Variants in TMEM67 observed in about 807,000 individuals in gnomAD.
TMEM67 encodes the protein meckelin.
Under a neutral mutation model 136.6 loss-of-function variants are expected in TMEM67, and 124 were observed. That is an observed-to-expected ratio of 0.91 (90% CI 0.78 to 1.05). The LOEUF is 1.05. Ranked by LOEUF, TMEM67 falls within the 50% of genes least tolerant of loss-of-function variation. The pLI is 0.00. For missense variants in TMEM67, 1,107 were observed against 1,178.4 expected, an observed-to-expected ratio of 0.94 and a Z score of 0.89; for synonymous variants, 364 against 390.5, an observed-to-expected ratio of 0.93 and a Z score of 0.80.
rs555460590 is a variant in TMEM67, at chr8:93,787,929, G to A, written c.1498G>A (p.Ala500Thr). ...CTACAGTGACATTGATATCAAAGAT[G>A]CCAACAGCCAGTCTGTGAAGGTGAG... ...IAYSDIDIKD[A>T]NSQSVKVSFS... Residue 500 changes from alanine (A) to threonine (T), a missense_variant, in exon 14 of 28, where the codon GCC becomes ACC. Ala to Thr is a moderately conservative substitution (Grantham distance 58). This residue lies in a region of TMEM67 where 925 missense variants were observed against 1,002.4 expected (regional missense o/e 0.92). Coordinates refer to ENST00000453321, the MANE Select transcript of TMEM67 (RefSeq NM_153704.6). 2 of 1,613,514 alleles carry A rather than the reference G, an allele frequency of 1.2e-6. No homozygotes were observed. The highest frequency in any genetic ancestry group is 1.7e-5 in the Admixed American group (1 of 60,012).
At chr8:93,765,740 G>A in intron 6 of TMEM67, 94 bp downstream of exon 6, 1 of 831,928 alleles carries the variant, frequency 1.2e-6, no homozygotes, top group Non-Finnish European at 2.1e-6. Context: ...ACCCTTTTGT[G>A]TAAATCATTT....
At chr8:93,782,133 C>T (rs1813864176) in intron 10 of TMEM67, among the ~76,000 whole-genome samples, 1 of 152,154 alleles carries the variant, frequency 6.6e-6, no homozygotes, top group Non-Finnish European at 1.5e-5. Context: ...CCAGGATGGT[C>T]TTGATCTCCT....
At chr8:93,757,090 TATA>T (rs1812603948) in intron 2 of TMEM67, 1 of 146,468 alleles carries the variant, frequency 6.8e-6, no homozygotes, top group African/African-American at 2.5e-5. Flanking sequence ...ATAAATAAAA[TATA>T]AATAAATAAA....
downstream of TMEM67, chr8:93,819,002 A>C: frequency 2.3e-6 from 1 of 429,666 alleles, no homozygotes; most frequent in Non-Finnish European, 4.5e-6. Flanking sequence ...ACAAGGGTTC[A>C]CCATGTTGCC....
intron 16 of TMEM67, 68 bp from the exon 17 acceptor site, chr8:93,795,341 G>A (rs1814560288): frequency 8.4e-7 from 1 of 1,190,584 alleles, no homozygotes; most frequent in South Asian, 1.2e-5. Context: ...TATAAAAGTG[G>A]TAGTGTTACT....
chr8:93,806,419 G>C (rs1178340033), intron 23 of TMEM67, among the ~76,000 whole-genome samples: 1 of 152,094 alleles, frequency 6.6e-6, no homozygotes, highest in Non-Finnish European at 1.5e-5. Flanking sequence ...AAATGACATG[G>C]TCTGGGTTTT....
At chr8:93,823,413 T>G (rs73694993), downstream of TMEM67, among the ~76,000 whole-genome samples, 2,562 of 152,252 alleles carry the variant, frequency 0.017, 76 homozygotes, top group African/African-American at 0.056. Flanking sequence ...GATTTTTTTT[T>G]TTTGTGTGGG....
At chr8:93,825,136 A>T in the TMEM67 span, among the ~76,000 whole-genome samples, 3 of 152,250 alleles carry the variant, frequency 2.0e-5, no homozygotes, top group Non-Finnish European at 2.9e-5. Context: ...AGGTCAGTGT[A>T]CAAAGAATAC....
chr8:93,831,140 C>A, the TMEM67 span, among the ~76,000 whole-genome samples: 1 of 152,226 alleles, frequency 6.6e-6, no homozygotes, highest in African/African-American at 2.4e-5. Context: ...GCACTAAAAT[C>A]ATTTCCAGTT....
At chr8:93,759,992 TTG>T (rs1177509242) in intron 3 of TMEM67, 1 of 1,520,752 alleles carries the variant, frequency 6.6e-7, no homozygotes, top group South Asian at 1.3e-5. Flanking sequence ...TTGAAGAAAT[TTG>T]TGAGTATTAC....
chr8:93,781,858 T>A (rs1256772934), intron 10 of TMEM67, 114 bp downstream of exon 10: 1 of 549,484 alleles, frequency 1.8e-6, no homozygotes, highest in African/African-American at 2.0e-5. Flanking sequence ...TACAGTTGAT[T>A]TTTTTTCTGA....
At chr8:93,762,218 T>C (rs3134023) in intron 3 of TMEM67, among the ~76,000 whole-genome samples, 97,092 of 151,930 alleles carry the variant, frequency 0.64, 31,524 homozygotes, top group East Asian at 0.84. Flanking sequence ...CACGCCACTG[T>C]GCTCCAGCCT....
At chr8:93,803,994 C>T (rs1266354691) in intron 22 of TMEM67, among the ~76,000 whole-genome samples, 2 of 151,638 alleles carry the variant, frequency 1.3e-5, no homozygotes, top group Non-Finnish European at 2.9e-5. Context: ...CATACCTCAA[C>T]CTCCTGAGTA....
intron 15 of TMEM67, among the ~76,000 whole-genome samples, chr8:93,792,653 C>T (rs935835745): frequency 2.0e-5 from 3 of 151,878 alleles, no homozygotes; most frequent in Non-Finnish European, 2.9e-5. Flanking sequence ...ATTTTTAAAT[C>T]AGTGTGAACT....
Position 93,807,981 on chromosome 8 carries a change from CTA to C in TMEM67, c.2440-857_2440-856del, listed in dbSNP as rs1462812628. Among the ~76,000 whole-genome samples the C allele has an allele frequency of 2.2e-4, 34 of 151,700 alleles. 1 individual carries two copies. Among genetic ancestry groups the C allele is most frequent in the Non-Finnish European group, 2.9e-5 (2 of 67,824 alleles). On this transcript the variant is annotated intron_variant, in intron 23 of 27. Coordinates refer to ENST00000453321, the MANE Select transcript of TMEM67 (RefSeq NM_153704.6). ...ACATTAACTGTTTGGTCATGTATCACTATGTTTTATTGGAATTAATTAAGGAA... is the reference window on the plus strand; with the variant it reads ...ACATTAACTGTTTGGTCATGTATCACTGTTTTATTGGAATTAATTAAGGAA...
rs1206242518 is a variant in TMEM67, at chr8:93,817,801, A to G, written c.*1349A>G. On this transcript the variant is annotated 3_prime_UTR_variant, in exon 28 of 28. Transcript: ENST00000453321. ...CCCTGAATCTTGAGGATGACTGAAA[A>G]GGAAGTCTTTGAAACTGCAGTTTCT... 6.6e-6 allele frequency: 1 copy of G among 152,188 alleles called. No homozygotes were observed. The highest frequency in any genetic ancestry group is 2.4e-5 in the African/African-American group (1 of 41,446). The allele number at this position is 152,188 out of a possible 1,614,324, so 9.4% of individuals were successfully genotyped here.
Position 93,787,875 on chromosome 8 carries a change from A to G in TMEM67, c.1444A>G (p.Asn482Asp). The G allele has an allele frequency of 6.2e-7, 1 of 1,614,054 alleles. No homozygotes were observed. Among genetic ancestry groups the G allele is most frequent in the Non-Finnish European group, 8.5e-7 (1 of 1,179,942 alleles). The change falls in exon 14 of 28, where the codon AAC becomes GAC. Residue 482 changes from asparagine (N) to aspartate (D), a missense_variant. Coordinates refer to ENST00000453321, the MANE Select transcript of TMEM67 (RefSeq NM_153704.6). ...CCTTGTACCCAACACAATAAATGGA[A>G]ACATCTACCCTCCCTTAATCACCAT... The part of the protein sequence containing the change: ...VHLVPNTING[N>D]IYPPLITIAY...
Position 93,785,261 on chromosome 8 carries a change from A to T in TMEM67, c.1171A>T (p.Thr391Ser). ...CTCTAAGATCTTAATTGACTTTCCC[A>T]CTCCTATATTTTATGATGTGTACCT... ...PISKILIDFP[T>S]PIFYDVYLEY... Residue 391 changes from threonine to serine, a missense_variant, in exon 12 of 28, where the codon ACT (threonine) becomes TCT (serine). Thr to Ser is a moderately conservative substitution (Grantham distance 58). Transcript: ENST00000453321. 1.3e-6 allele frequency: 2 copies of T among 1,598,782 alleles called. No homozygotes were observed. Among genetic ancestry groups the T allele is most frequent in the Non-Finnish European group, 1.7e-6 (2 of 1,167,310 alleles).
At chr8:93,797,046 A>T in intron 18 of TMEM67, 88 bp from the exon 19 acceptor site, 1 of 787,566 alleles carries the variant, frequency 1.3e-6, no homozygotes, top group Non-Finnish European at 2.3e-6. Context: ...TTGTGATAAC[A>T]GTATGTTTCT....
Sources: gnomAD v4.1 joint callset for allele counts (sites outside exome capture counted in the v4.1 genomes callset) on GRCh38, gnomAD v4.1.1 for gene constraint, gnomAD v4.1.1 regional missense constraint, MANE v1.5 for transcripts, NCBI Gene and HGNC (gene_info 2026-07-23, HGNC 2026-07-21) for gene names.